Variants in RBMS3 observed in about 807,000 individuals in gnomAD.
RBMS3 encodes the protein RNA binding motif single stranded interacting protein 3, also known as RNA-binding motif, single-stranded-interacting protein 3.
In RBMS3, 27 loss-of-function variants were observed where a neutral mutation model predicts 66.8. The observed-to-expected ratio is 0.40, with a 90% confidence interval of 0.30 to 0.56. RBMS3 has a LOEUF of 0.56. RBMS3 is among the 20% of genes least tolerant of loss of function. The pLI is 0.40. For synonymous variants in RBMS3, 188 were observed against 183.0 expected, an observed-to-expected ratio of 1.03 and a Z score of -0.22; for missense variants, 513 against 549.5, an observed-to-expected ratio of 0.93 and a Z score of 0.66.
intron 1 of RBMS3, among the ~76,000 whole-genome samples, chr3:29,411,602 CAG>C (rs138023954): frequency 1.3e-5 from 2 of 151,628 alleles, no homozygotes; most frequent in Non-Finnish European, 2.9e-5. Context: ...AGTGTCTTGC[CAG>C]AGAGAGAGAG....
In RBMS3 at chr3:29,472,673, C is replaced by T. The variant is rs377056908; in HGVS notation, c.249-15768C>T. Among the ~76,000 whole-genome samples the T allele has an allele frequency of 2.5e-4, 38 of 151,914 alleles. No homozygotes were observed. The East Asian group carries it at 5.9e-3, about 23-fold the overall frequency. ...GTGAGTGTTACAGCTCTTAAGGCGG[C>T]GCGTCTGGAGTTGTTCGTTCCTCCC... On this transcript the variant is annotated intron_variant, in intron 2 of 14. Transcript: ENST00000383767.
At chr3:29,358,411 GT>G (rs2037357758) in intron 1 of RBMS3, among the ~76,000 whole-genome samples, 1 of 152,148 alleles carries the variant, frequency 6.6e-6, no homozygotes, top group Non-Finnish European at 1.5e-5. Context: ...CTGTATCTCT[GT>G]TTTGGTACCA....
At chr3:29,323,728 C>CT (rs762654185) in intron 1 of RBMS3, among the ~76,000 whole-genome samples, 1 of 138,228 alleles carries the variant, frequency 7.2e-6, no homozygotes, top group Non-Finnish European at 1.6e-5. Flanking sequence ...ACACACACAC[C>CT]CCTTGGACTG....
chr3:29,711,751 A>G (rs2053180893), intron 4 of RBMS3, among the ~76,000 whole-genome samples: 4 of 152,176 alleles, frequency 2.6e-5, no homozygotes, highest in Admixed American at 2.6e-4. Context: ...TAACCTAGTA[A>G]ATACTTTGGA....
At chr3:29,430,875 A>G (rs1362281261) in intron 1 of RBMS3, among the ~76,000 whole-genome samples, 1 of 152,220 alleles carries the variant, frequency 6.6e-6, no homozygotes, top group Admixed American at 6.5e-5. Flanking sequence ...CAGCTTTAAA[A>G]AGGCCCTGGG....
intron 1 of RBMS3, among the ~76,000 whole-genome samples, chr3:29,303,254 C>T (rs1231877691): frequency 1.3e-5 from 2 of 152,050 alleles, no homozygotes; most frequent in African/African-American, 4.8e-5. Context: ...AAGTTGAGGT[C>T]ACAACCTTCC....
chr3:29,612,773 G>A (rs2048535571), intron 4 of RBMS3, among the ~76,000 whole-genome samples: 1 of 151,990 alleles, frequency 6.6e-6, no homozygotes, highest in Non-Finnish European at 1.5e-5. Flanking sequence ...TTGCCTTTTT[G>A]GCCAGTAGTC....
At chr3:29,691,590 A>G (rs1311704172) in intron 4 of RBMS3, among the ~76,000 whole-genome samples, 1 of 152,212 alleles carries the variant, frequency 6.6e-6, no homozygotes, top group Non-Finnish European at 1.5e-5. Context: ...GTCCCACAGA[A>G]ATGCCCCAAA....
chr3:29,299,494 AAT>A lies in RBMS3; in HGVS notation c.75+17741_75+17742del, dbSNP rs2033523554. Among the ~76,000 whole-genome samples, 3 of 151,966 alleles carry A rather than the reference AAT, an allele frequency of 2.0e-5. No individual in the cohort carries two copies. In the South Asian group the frequency reaches 6.2e-4, roughly 31 times the overall value. On this transcript the variant is annotated intron_variant, in intron 1 of 14. Coordinates refer to ENST00000383767, the MANE Select transcript of RBMS3 (RefSeq NM_001003793.3). ...AAAATGCCTACATTTTGACTAAAAT[AAT>A]ATGATTGGCCCTCCACATCTGTGGG...
intron 1 of RBMS3, among the ~76,000 whole-genome samples, chr3:29,312,741 A>G (rs748788432): frequency 1.3e-5 from 2 of 150,448 alleles, no homozygotes; most frequent in Non-Finnish European, 3.0e-5. Context: ...ATCTGCAAAT[A>G]TAGAGATGAA....
chr3:29,993,277 T>C (rs1698999228), intron 14 of RBMS3, among the ~76,000 whole-genome samples: 1 of 149,218 alleles, frequency 6.7e-6, no homozygotes, highest in South Asian at 2.1e-4. Context: ...TGGTAGACTC[T>C]GAAACTCCAG....
chr3:29,484,273 C>T (rs2043242475), intron 2 of RBMS3, among the ~76,000 whole-genome samples: 1 of 152,196 alleles, frequency 6.6e-6, no homozygotes, highest in Admixed American at 6.5e-5. Context: ...AACAAAGTAC[C>T]ACAGACTGGG....
chr3:29,992,335 C>T (rs1001887042), intron 14 of RBMS3, among the ~76,000 whole-genome samples: 1 of 152,116 alleles, frequency 6.6e-6, no homozygotes, highest in African/African-American at 2.4e-5. Context: ...GCCTGTAATC[C>T]CAGCACTATG....
intron 1 of RBMS3, among the ~76,000 whole-genome samples, chr3:29,344,596 G>A (rs1185484641): frequency 1.3e-5 from 2 of 151,982 alleles, no homozygotes; most frequent in Admixed American, 6.6e-5. Flanking sequence ...CTTAAATGCA[G>A]TCCAAAATCA....
intron 3 of RBMS3, among the ~76,000 whole-genome samples, chr3:29,517,359 G>A (rs947627916): frequency 4.8e-5 from 7 of 144,410 alleles, no homozygotes; most frequent in African/African-American, 1.5e-4. Flanking sequence ...GTCTCGCTCT[G>A]TTGCCCAGGC....
chr3:29,521,004 C>G (rs1004547103), intron 3 of RBMS3, among the ~76,000 whole-genome samples: 4 of 152,228 alleles, frequency 2.6e-5, no homozygotes, highest in Admixed American at 2.6e-4. Flanking sequence ...CACATGTCAT[C>G]TCCGCTCACA....
At chr3:29,309,899 T>G (rs558739292) in intron 1 of RBMS3, among the ~76,000 whole-genome samples, 16 of 151,772 alleles carry the variant, frequency 1.1e-4, no homozygotes, top group African/African-American at 3.6e-4. Context: ...TGCAGCCAAC[T>G]TTTTTAAAAA....
At chr3:29,782,537 T>A (rs1451574050) in intron 6 of RBMS3, among the ~76,000 whole-genome samples, 2 of 152,140 alleles carry the variant, frequency 1.3e-5, no homozygotes, top group Admixed American at 6.6e-5. Context: ...ACAACAGCCA[T>A]TGAATCCCAG....
chr3:29,770,762 G>A (rs1281846787), intron 6 of RBMS3, among the ~76,000 whole-genome samples: 1 of 151,966 alleles, frequency 6.6e-6, no homozygotes, highest in Admixed American at 6.6e-5. Flanking sequence ...TGTCTGTCCG[G>A]ATGAGTCCTA....
Sources: allele counts gnomAD v4.1 joint callset (sites outside exome capture counted in the v4.1 genomes callset), GRCh38; gene constraint gnomAD v4.1.1; transcripts MANE v1.5; gene names NCBI Gene and HGNC (gene_info 2026-07-23, HGNC 2026-07-21).